MAU2: variants seen among roughly 807,000 people sequenced by gnomAD.
The protein encoded by MAU2 is MAU2 chromatid cohesion factor homolog.
Under a neutral mutation model 89.1 loss-of-function variants are expected in MAU2, and 9 were observed. That is an observed-to-expected ratio of 0.10 (90% confidence interval 0.06 to 0.18). The LOEUF is 0.18. MAU2 is among the 10% of genes least tolerant of loss of function. The pLI is 1.00. For missense variants in MAU2, 425 were observed against 803.5 expected (o/e 0.53, Z 5.69); for synonymous variants, 357 against 343.4 (o/e 1.04, Z -0.44).
At chr19:19,349,046 G>A in intron 14 of MAU2, 108 bp downstream of exon 14, 4 of 1,559,902 alleles carry the variant, frequency 2.6e-6, no homozygotes, top group Non-Finnish European at 3.5e-6. Flanking sequence ...CCTCCTCACA[G>A]ACAGTCTGCA....
At chr19:19,326,790 A>G (rs2061512570) in intron 1 of MAU2, among the ~76,000 whole-genome samples, 1 of 146,652 alleles carries the variant, frequency 6.8e-6, no homozygotes, top group Non-Finnish European at 1.5e-5. Flanking sequence ...GCTACTCAGG[A>G]GGCTAAGGCA....
rs1265285444 is a variant in MAU2, at chr19:19,345,091, G to A, written c.1155+165G>A. The A allele has an allele frequency of 1.6e-5, 12 of 751,692 alleles. No homozygotes were observed. Among genetic ancestry groups the A allele is most frequent in the East Asian group, 5.4e-5 (2 of 37,074 alleles). The allele number at this position is 751,692 out of a possible 1,614,324, so 46.6% of individuals were successfully genotyped here. A position where few individuals can be genotyped will look rare whatever the true frequency, so the allele number is the denominator to read the frequency against. On this transcript the variant is annotated intron_variant, in intron 11 of 18. Transcript: ENST00000262815. This position sits in a 1 kb window ranked among gnomAD's most constrained non-coding sequence, Gnocchi z 4.9. ...CATATAACCTTCCCAGGCACGATCC[G>A]GAATGCTCCCAGTGAGCATCTTGTC...
chr19:19,337,274 C>T lies in MAU2; in HGVS notation c.456+9C>T, dbSNP rs376689252. On this transcript the variant is annotated intron_variant, in intron 4 of 18. Coordinates refer to ENST00000262815, the MANE Select transcript of MAU2 (RefSeq NM_015329.4). ...TGCTCTTCCAGCTCGCTGTGAGTAC[C>T]GCGGCCCGGGAACGAGGGTGCCCGG... 49 of 1,610,688 alleles carry T rather than the reference C, an allele frequency of 3.0e-5. No homozygotes were observed. Among genetic ancestry groups the T allele is most frequent in the Non-Finnish European group, 3.6e-5 (42 of 1,177,856 alleles).
intron 16 of MAU2, 56 bp downstream of exon 16, chr19:19,349,492 A>T (rs2061723796): frequency 1.3e-6 from 2 of 1,495,252 alleles, no homozygotes; most frequent in Non-Finnish European, 1.9e-6. Context: ...TGGCTGAGGG[A>T]CAGGAGCCGG....
chr19:19,347,356 A>G lies in MAU2; in HGVS notation c.1298A>G (p.His433Arg). The change falls in exon 13 of 19, where the codon CAC becomes CGC. Residue 433 changes from histidine to arginine, a missense_variant. His to Arg is a conservative substitution (Grantham distance 29, BLOSUM62 0). Around this residue, in one of 11 missense-constraint regions of MAU2, gnomAD observed 66 missense variants for 129.1 expected, o/e 0.51. Transcript: ENST00000262815. ...GTGTATATACGGGAAGGAAATAGAC[A>G]CCAAGAGGTAGTAGGTGACATGCTT... ...ASVYIREGNR[H>R]QEVLYSLLER... 1 of 1,612,888 alleles carries G rather than the reference A, an allele frequency of 6.2e-7. No homozygotes were observed. The highest frequency in any genetic ancestry group is 8.5e-7 in the Non-Finnish European group (1 of 1,179,080).
At chr19:19,347,431 G>C in intron 13 of MAU2, 65 bp downstream of exon 13, 2 of 1,310,002 alleles carry the variant, frequency 1.5e-6, no homozygotes, top group Non-Finnish European at 2.2e-6. Context: ...GGAACCAGGG[G>C]GTTGTCCTGG....
chr19:19,338,762 G>T, intron 4 of MAU2, 83 bp from the exon 5 acceptor site: 4 of 1,011,116 alleles, frequency 4.0e-6, no homozygotes, highest in East Asian at 2.5e-5. Flanking sequence ...AGGTTTGGTT[G>T]AGTTTGCTAA....
intron 16 of MAU2, among the ~76,000 whole-genome samples, chr19:19,351,973 C>T (rs1163217364): frequency 6.6e-6 from 1 of 151,084 alleles, no homozygotes; most frequent in South Asian, 2.1e-4. Context: ...CTCAGCCTCC[C>T]GAGTAGCTGG....
chr19:19,334,222 G>A (rs1001882385), intron 1 of MAU2: 7 of 984,972 alleles, frequency 7.1e-6, no homozygotes, highest in African/African-American at 1.8e-5. Flanking sequence ...CTGACGGCAG[G>A]TGCTGGCCCC....
chr19:19,327,833 C>T (rs924914130), intron 1 of MAU2, among the ~76,000 whole-genome samples: 2 of 151,922 alleles, frequency 1.3e-5, no homozygotes, highest in African/African-American at 4.8e-5. Context: ...ACCTGAAAGC[C>T]TTCCTTCTCT....
At chr19:19,322,688 CT>C (rs2061471218) in intron 1 of MAU2, among the ~76,000 whole-genome samples, 2 of 152,194 alleles carry the variant, frequency 1.3e-5, no homozygotes, top group Admixed American at 1.3e-4. Flanking sequence ...TGTCAGACCC[CT>C]GCCTCCCTTT....
chr19:19,328,664 G>A (rs1038829619), intron 1 of MAU2, among the ~76,000 whole-genome samples: 7 of 151,808 alleles, frequency 4.6e-5, no homozygotes, highest in Non-Finnish European at 1.0e-4. Context: ...CTCGTAATCC[G>A]CCCGCCTCAG....
chr19:19,356,034 G>A lies in MAU2; in HGVS notation c.*252G>A, dbSNP rs1333516147. On this transcript the variant is annotated 3_prime_UTR_variant, in exon 19 of 19. Coordinates refer to ENST00000262815, the MANE Select transcript of MAU2 (RefSeq NM_015329.4). ...TGTCTCTCCAGAGCCATCCTTCAGA[G>A]TGGACCTCAGTGCCAGTCCTGCCTC... 7 of 636,578 alleles carry A rather than the reference G, an allele frequency of 1.1e-5. No homozygotes were observed. Among genetic ancestry groups the A allele is most frequent in the African/African-American group, 1.1e-4 (6 of 55,736 alleles). The allele number at this position is 636,578 out of a possible 1,614,324, so 39.4% of individuals were successfully genotyped here.
intron 1 of MAU2, among the ~76,000 whole-genome samples, chr19:19,329,905 A>G (rs1205638015): frequency 1.3e-5 from 2 of 152,118 alleles, no homozygotes; most frequent in East Asian, 1.9e-4. Flanking sequence ...ACAGTGAGCC[A>G]TGATTGCACC....
intron 1 of MAU2, among the ~76,000 whole-genome samples, chr19:19,327,089 G>C (rs1458777791): frequency 6.7e-6 from 1 of 149,286 alleles, no homozygotes; most frequent in African/African-American, 2.5e-5. Context: ...GGGATTACAG[G>C]TGTGAGCCAC....
chr19:19,349,975 A>ATT (rs34536394), intron 16 of MAU2, among the ~76,000 whole-genome samples: 3,379 of 111,148 alleles, frequency 0.03, 187 homozygotes, highest in African/African-American at 0.1. Context: ...GAGGTCTTGA[A>ATT]TTTTTTTTTT....
chr19:19,356,146 G>T lies in MAU2; in HGVS notation c.*364G>T, dbSNP rs1010180703. ...TGCCAGGGCAGGCAGTGCCCCAGGG[G>T]CACCACGCCTGACTCTCCATCACCC... On this transcript the variant is annotated 3_prime_UTR_variant, in exon 19 of 19. Coordinates refer to ENST00000262815, the MANE Select transcript of MAU2 (RefSeq NM_015329.4). 1 of 451,764 alleles carries T rather than the reference G, an allele frequency of 2.2e-6. No homozygotes were observed. Among genetic ancestry groups the T allele is most frequent in the African/African-American group, 2.0e-5 (1 of 50,802 alleles). 28.0% of individuals were successfully genotyped at this position (451,764 alleles called of 1,614,324 possible).
In MAU2 at chr19:19,356,008, C is replaced by T; in HGVS notation, c.*226C>T. 1 of 667,720 alleles carries T rather than the reference C, an allele frequency of 1.5e-6. No homozygotes were observed. The highest frequency in any genetic ancestry group is 2.8e-6 in the Non-Finnish European group (1 of 362,796). The allele number at this position is 667,720 out of a possible 1,614,324, so 41.4% of individuals were successfully genotyped here. On this transcript the variant is annotated 3_prime_UTR_variant, in exon 19 of 19. Transcript: ENST00000262815. ...GAGGCTCACAGGTGGCACACAGGCG[C>T]TGTCTCTCCAGAGCCATCCTTCAGA... is the stretch of plus-strand genomic sequence containing the variant.
intron 16 of MAU2, among the ~76,000 whole-genome samples, chr19:19,350,620 G>T (rs1262654163): frequency 2.7e-5 from 4 of 150,274 alleles, no homozygotes; most frequent in Non-Finnish European, 5.9e-5. Flanking sequence ...AAAAAAAAAG[G>T]CCGGGCATGG....
Sources: allele counts gnomAD v4.1 joint callset (sites outside exome capture counted in the v4.1 genomes callset), GRCh38; gene constraint gnomAD v4.1.1; regional missense constraint gnomAD v4.1.1; non-coding constraint Gnocchi (gnomAD v3.1); transcripts MANE v1.5; gene names NCBI Gene and HGNC (gene_info 2026-07-23, HGNC 2026-07-21).